CEP85L: variants seen among roughly 807,000 people sequenced by gnomAD.
The protein encoded by CEP85L is centrosomal protein of 85 kDa-like.
A neutral mutation model predicts 100.3 loss-of-function variants in CEP85L; 60 were observed. The ratio of observed to expected loss-of-function variants is 0.60; its 90% CI spans 0.49 to 0.74. The LOEUF (loss-of-function observed/expected upper bound fraction) is 0.74, where lower values mean the gene tolerates loss of function less well. CEP85L is among the 30% of genes least tolerant of loss of function. CEP85L has a pLI of 0.00. For missense variants in CEP85L, 973 were observed against 936.2 expected, an observed-to-expected ratio of 1.04 and a Z score of -0.51; for synonymous variants, 319 against 322.7, an observed-to-expected ratio of 0.99 and a Z score of 0.12.
chr6:118,708,829 G>A (rs1041284841), intron 1 of CEP85L, among the ~76,000 whole-genome samples: 1 of 151,846 alleles, frequency 6.6e-6, no homozygotes, highest in Non-Finnish European at 1.5e-5. Context: ...GGTCAAATAG[G>A]GGTTCTAAAT....
In CEP85L at chr6:118,558,995, G is replaced by A. The variant is rs1004405095; in HGVS notation, c.1020+6534C>T. 1.1e-5 allele frequency: 18 copies of A among 1,610,616 alleles called. No individual in the cohort carries two copies. The highest frequency in any genetic ancestry group is 1.7e-5 in the Admixed American group (1 of 59,992). ...ACCATTGAAATGCCTCAACAAGCAC[G>A]TCAAAAGCTACAGAATCTATTTATC... On this transcript the variant is annotated intron_variant, in intron 3 of 12. Coordinates refer to ENST00000368491, the MANE Select transcript of CEP85L (RefSeq NM_001042475.3).
intron 2 of CEP85L, among the ~76,000 whole-genome samples, chr6:118,622,419 C>T (rs1773509676): frequency 6.6e-6 from 1 of 152,196 alleles, no homozygotes. Context: ...ACTTATGCCG[C>T]CTGGGAGGAT....
At chr6:118,633,332 G>C (rs2115325881) in intron 1 of CEP85L, among the ~76,000 whole-genome samples, 1 of 151,812 alleles carries the variant, frequency 6.6e-6, no homozygotes, top group East Asian at 1.9e-4. Context: ...AGCCTCCGGA[G>C]CAGCTGAGAC....
intron 2 of CEP85L, among the ~76,000 whole-genome samples, chr6:118,613,917 C>T (rs1229787170): frequency 6.6e-6 from 1 of 151,948 alleles, no homozygotes; most frequent in Non-Finnish European, 1.5e-5. Flanking sequence ...CCCTGATATC[C>T]AGAGAGTACC....
intron 3 of CEP85L, among the ~76,000 whole-genome samples, chr6:118,529,116 G>A (rs1269926842): frequency 6.6e-6 from 1 of 152,132 alleles, no homozygotes; most frequent in Non-Finnish European, 1.5e-5. Flanking sequence ...AGTGATAAGG[G>A]AATTAGATGT....
upstream of CEP85L, chr6:118,652,435 G>T: frequency 8.5e-7 from 1 of 1,169,666 alleles, no homozygotes; most frequent in African/African-American, 1.6e-5. Flanking sequence ...TGCTTCCAAC[G>T]TTTAGTTACG....
chr6:118,531,817 T>C (rs568081082), intron 3 of CEP85L, among the ~76,000 whole-genome samples: 1 of 152,168 alleles, frequency 6.6e-6, no homozygotes, highest in Admixed American at 6.5e-5. Context: ...TACCATCTCA[T>C]ACCAGTCAGA....
intron 3 of CEP85L, among the ~76,000 whole-genome samples, chr6:118,556,637 G>GATGTATA (rs1364686152): frequency 6.6e-6 from 1 of 152,262 alleles, no homozygotes; most frequent in African/African-American, 2.4e-5. Flanking sequence ...GCTTTTATGG[G>GATGTATA]ATGTATAAAA....
intron 1 of CEP85L, among the ~76,000 whole-genome samples, chr6:118,648,480 G>A (rs1185984058): frequency 1.3e-5 from 2 of 152,144 alleles, no homozygotes; most frequent in South Asian, 2.1e-4. Context: ...GGTGGCTCAC[G>A]CCTGTAATCC....
chr6:118,498,843 C>T (rs934587250), intron 5 of CEP85L, among the ~76,000 whole-genome samples: 12 of 152,146 alleles, frequency 7.9e-5, no homozygotes, highest in African/African-American at 1.2e-4. Context: ...GGAACATTCA[C>T]CAAAGCGGAC....
chr6:118,529,678 GC>G lies in CEP85L; in HGVS notation c.1021-5759del, dbSNP rs1325465031. ...TTATCTATTAAGTTTCAAGTATTAT[GC>G]CCAAAAGCAGTGAGGAGAAAAAGCC... On this transcript the variant is annotated intron_variant, in intron 3 of 12. Coordinates refer to ENST00000368491, the MANE Select transcript of CEP85L (RefSeq NM_001042475.3). Among the ~76,000 whole-genome samples, 12 of 148,472 alleles carry G rather than the reference GC, an allele frequency of 8.1e-5. 1 individual carries two copies. The South Asian group carries it at 2.6e-3, about 32-fold the overall frequency.
intron 5 of CEP85L, among the ~76,000 whole-genome samples, chr6:118,493,504 A>G (rs1362730042): frequency 2.6e-5 from 4 of 152,194 alleles, no homozygotes; most frequent in African/African-American, 9.6e-5. Flanking sequence ...TGCACTGAGA[A>G]TGAATATGGA....
rs1775387212 is a variant in CEP85L, at chr6:118,502,750, G to A, written c.1257+8548C>T. On this transcript the variant is annotated intron_variant, in intron 5 of 12. Transcript: ENST00000368491. ...ACAAAGAAATGCATCTTGCTGAACA[G>A]GTGACCAATAATCTTAAAGAACTTG... 2.7e-5 allele frequency: 15 copies of A among 556,706 alleles called. No individual in the cohort carries two copies. The South Asian group carries it at 2.8e-4, about 10-fold the overall frequency. The allele number at this position is 556,706 out of a possible 1,614,324, so 34.5% of individuals were successfully genotyped here.
At chr6:118,575,259 A>T (rs1458519601) in intron 2 of CEP85L, among the ~76,000 whole-genome samples, 1 of 152,202 alleles carries the variant, frequency 6.6e-6, no homozygotes, top group Non-Finnish European at 1.5e-5. Context: ...AAAATATTGG[A>T]GAGAAAATGA....
chr6:118,465,926 G>A (rs963901737), intron 12 of CEP85L, among the ~76,000 whole-genome samples: 1 of 152,170 alleles, frequency 6.6e-6, no homozygotes, highest in African/African-American at 2.4e-5. Flanking sequence ...GACCATTTGT[G>A]TAGTAAGAGG....
rs1772336672 is a variant in CEP85L at position 118,463,571 on chromosome 6, TGTTAAAAACCAAGTGAATATAATTA to T, written c.*1809_*1833del. The T allele has an allele frequency of 1.3e-5, 2 of 152,200 alleles. No homozygotes were observed. The highest frequency in any genetic ancestry group is 4.8e-5 in the African/African-American group (2 of 41,584). The allele number at this position is 152,200 out of a possible 1,614,324, so 9.4% of individuals were successfully genotyped here. A position where few individuals can be genotyped will look rare whatever the true frequency, so the allele number is the denominator to read the frequency against. ...ACCCTGATTATCGTCAAGCTACTAA[TGTTAAAAACCAAGTGAATATAATTA>T]GAAAGCCAAGTTCTTACCAGTGACT... On this transcript the variant is annotated 3_prime_UTR_variant, in exon 13 of 13. Transcript: ENST00000368491.
intron 1 of CEP85L, among the ~76,000 whole-genome samples, chr6:118,689,925 T>TTTC (rs1194726124): frequency 1.3e-5 from 2 of 151,758 alleles, no homozygotes; most frequent in Non-Finnish European, 2.9e-5. Context: ...GCTTTTTTTT[T>TTTC]TTTTTTTTAA....
At position 118,465,067 on chromosome 6, in the gene CEP85L, C is replaced by A. The variant is rs900585110; in HGVS notation, c.*338G>T. ...ACAACAACACACATACATGCACACACAAACACACAAAGCTATAGGATTAAA... is the reference window on the plus strand; with the variant it reads ...ACAACAACACACATACATGCACACAAAAACACACAAAGCTATAGGATTAAA... On this transcript the variant is annotated 3_prime_UTR_variant, in exon 13 of 13. Coordinates refer to ENST00000368491, the MANE Select transcript of CEP85L (RefSeq NM_001042475.3). The A allele has an allele frequency of 4.7e-6, 1 of 210,782 alleles. No individual in the cohort carries two copies. Among genetic ancestry groups the A allele is most frequent in the East Asian group, 1.3e-4 (1 of 7,712 alleles). 13.1% of individuals were successfully genotyped at this position (210,782 alleles called of 1,614,324 possible). A position where few individuals can be genotyped will look rare whatever the true frequency, so the allele number is the denominator to read the frequency against.
At chr6:118,501,672 C>CA (rs1172381308) in intron 5 of CEP85L, 14 of 659,802 alleles carry the variant, frequency 2.1e-5, no homozygotes, top group Non-Finnish European at 3.7e-5. Flanking sequence ...CTGTTACACT[C>CA]AGAGATGAAA....
Sources: allele counts gnomAD v4.1 joint callset (sites outside exome capture counted in the v4.1 genomes callset), GRCh38; gene constraint gnomAD v4.1.1; transcripts MANE v1.5; gene names NCBI Gene and HGNC (gene_info 2026-07-23, HGNC 2026-07-21).